The following NT5DC1 variants were observed in gnomAD, a reference collection of about 807,000 sequenced individuals.
The protein encoded by NT5DC1 is 5'-nucleotidase domain containing 1.
Under a neutral mutation model 59.4 loss-of-function variants are expected in NT5DC1, and 42 were observed. That is an observed-to-expected ratio of 0.71 (90% confidence interval 0.55 to 0.92). The LOEUF (loss-of-function observed/expected upper bound fraction) is 0.92. NT5DC1 is among the 40% of genes least tolerant of loss of function. NT5DC1 has a pLI of 0.00. For missense variants in NT5DC1, 501 were observed against 537.1 expected, an observed-to-expected ratio of 0.93 and a Z score of 0.66; for synonymous variants, 172 against 188.1, an observed-to-expected ratio of 0.91 and a Z score of 0.70.
intron 6 of NT5DC1, among the ~76,000 whole-genome samples, chr6:116,210,448 A>C (rs1455356311): frequency 6.6e-6 from 1 of 151,816 alleles, no homozygotes; most frequent in Non-Finnish European, 1.5e-5. Flanking sequence ...GCAGTATTGC[A>C]CAAGCTCCGA....
At chr6:116,146,522 G>A (rs185686629) in intron 6 of NT5DC1, among the ~76,000 whole-genome samples, 3 of 152,094 alleles carry the variant, frequency 2.0e-5, no homozygotes, top group East Asian at 1.9e-4. Context: ...TGGAACTTTC[G>A]CCTTAACAAA....
intron 6 of NT5DC1, among the ~76,000 whole-genome samples, chr6:116,207,382 T>C (rs1186876154): frequency 1.3e-5 from 2 of 151,756 alleles, no homozygotes; most frequent in East Asian, 3.9e-4. Context: ...AAAAAAATCC[T>C]TTACAATCTT....
chr6:116,164,560 A>G lies in NT5DC1; in HGVS notation c.529+46615A>G, dbSNP rs567968310. 5.2e-3 allele frequency among the ~76,000 whole-genome samples: 785 copies of G among 152,182 alleles called. 3 individuals carry two copies. The highest frequency in any genetic ancestry group is 9.0e-3 in the Non-Finnish European group (611 of 67,986). On this transcript the variant is annotated intron_variant, in intron 6 of 11. Coordinates refer to ENST00000319550, the MANE Select transcript of NT5DC1 (RefSeq NM_152729.3). ...CCCAATTTGCTAATCTATCTCTTTC[A>G]AGTATTTATGTTCAAGGTTAATATG...
At chr6:116,133,713 A>G (rs1779522598) in intron 6 of NT5DC1, among the ~76,000 whole-genome samples, 2 of 152,178 alleles carry the variant, frequency 1.3e-5, no homozygotes, top group African/African-American at 4.8e-5. Flanking sequence ...CTTCCCTAAT[A>G]GTGCAAAGAT....
At chr6:116,242,508 G>A (rs1425214111) in intron 11 of NT5DC1, among the ~76,000 whole-genome samples, 5 of 150,976 alleles carry the variant, frequency 3.3e-5, no homozygotes, top group Middle Eastern at 3.4e-3. Context: ...GAGAGAGAGA[G>A]TGGCTGCATT....
At chr6:116,201,004 G>T (rs755101766) in intron 6 of NT5DC1, among the ~76,000 whole-genome samples, 9 of 151,940 alleles carry the variant, frequency 5.9e-5, no homozygotes, top group Non-Finnish European at 1.3e-4. Flanking sequence ...GGAAAAAAGC[G>T]GGAAGGTACT....
chr6:116,233,059 T>A (rs1298813561), intron 8 of NT5DC1, among the ~76,000 whole-genome samples: 1 of 152,198 alleles, frequency 6.6e-6, no homozygotes, highest in Non-Finnish European at 1.5e-5. Context: ...CCCAAACATC[T>A]ATTAGTGATT....
In NT5DC1 at chr6:116,117,862, T is replaced by A. The variant is rs763620884; in HGVS notation, c.446T>A (p.Leu149Gln). 1.1e-5 allele frequency: 17 copies of A among 1,531,872 alleles called. No homozygotes were observed. In the South Asian group the frequency reaches 2.0e-4, roughly 18 times the overall value. 94.9% of individuals were successfully genotyped at this position (1,531,872 alleles called of 1,614,324 possible). The change falls in exon 6 of 12, where the codon CTG becomes CAG. Residue 149 changes from leucine to glutamine, a missense_variant and splice_region_variant. Coordinates refer to ENST00000319550, the MANE Select transcript of NT5DC1 (RefSeq NM_152729.3). The stretch of plus-strand genomic sequence containing the variant: ...TTTCATTTGGAATTATTTTTTCAGC[T>A]GAACAATGGTCAAAAAACATTTGAT... ...CARVVDYLTKLNNGQKTFDFW... is the reference protein window; with the variant it reads ...CARVVDYLTKQNNGQKTFDFW...
chr6:116,238,100 G>A (rs1582887712), intron 9 of NT5DC1, 87 bp from the exon 10 acceptor site: 3 of 955,744 alleles, frequency 3.1e-6, no homozygotes, highest in South Asian at 1.8e-5. Flanking sequence ...TCTGATGCCT[G>A]TTGAGAAATT....
intron 6 of NT5DC1, among the ~76,000 whole-genome samples, chr6:116,217,624 T>C (rs1252367939): frequency 1.3e-5 from 2 of 152,144 alleles, no homozygotes; most frequent in Non-Finnish European, 2.9e-5. Context: ...ATGAATAATA[T>C]TATTTTTATC....
At chr6:116,141,150 T>G (rs1472984948) in intron 6 of NT5DC1, among the ~76,000 whole-genome samples, 1 of 152,182 alleles carries the variant, frequency 6.6e-6, no homozygotes, top group Non-Finnish European at 1.5e-5. Flanking sequence ...TTTTATTGTA[T>G]TTGTATGATA....
At chr6:116,225,430 T>C (rs778167741) in intron 8 of NT5DC1, among the ~76,000 whole-genome samples, 2 of 152,022 alleles carry the variant, frequency 1.3e-5, no homozygotes, top group Non-Finnish European at 2.9e-5. Flanking sequence ...ATATTAAAGA[T>C]AGAGAAGAAA....
intron 11 of NT5DC1, among the ~76,000 whole-genome samples, chr6:116,241,180 G>A (rs1416150017): frequency 6.6e-6 from 1 of 151,678 alleles, no homozygotes; most frequent in African/African-American, 2.4e-5. Flanking sequence ...TTTAGACAGG[G>A]AATAATAGAG....
intron 5 of NT5DC1, among the ~76,000 whole-genome samples, chr6:116,116,194 C>T (rs1305056773): frequency 2.0e-5 from 3 of 151,960 alleles, no homozygotes; most frequent in South Asian, 2.1e-4. Context: ...CCATTTTGAA[C>T]ATCATTTAAT....
intron 6 of NT5DC1, among the ~76,000 whole-genome samples, chr6:116,181,973 T>A (rs1780882846): frequency 6.6e-6 from 1 of 152,116 alleles, no homozygotes; most frequent in South Asian, 2.1e-4. Context: ...ACCCATCACC[T>A]GAGCAGTGTA....
At chr6:116,241,922 CAAAAAA>C (rs772261524) in intron 11 of NT5DC1, among the ~76,000 whole-genome samples, 1 of 10,546 alleles carries the variant, frequency 9.5e-5, no homozygotes, top group Non-Finnish European at 1.5e-4. Context: ...GACTCCGTCT[CAAAAAA>C]AAAAAAAAAA....
intron 6 of NT5DC1, among the ~76,000 whole-genome samples, chr6:116,152,886 A>G (rs1320303316): frequency 6.6e-6 from 1 of 152,106 alleles, no homozygotes; most frequent in African/African-American, 2.4e-5. Context: ...ATTGTGCTCT[A>G]TGATGTCGCC....
chr6:116,183,088 A>G (rs1213263808), intron 6 of NT5DC1, among the ~76,000 whole-genome samples: 2 of 152,138 alleles, frequency 1.3e-5, no homozygotes, highest in African/African-American at 2.4e-5. Context: ...GTTCTTCTAC[A>G]TGTGGCTTGT....
At chr6:116,215,372 A>G (rs1381833425) in intron 6 of NT5DC1, among the ~76,000 whole-genome samples, 2 of 152,156 alleles carry the variant, frequency 1.3e-5, no homozygotes, top group Non-Finnish European at 2.9e-5. Flanking sequence ...TGTAAGCTCT[A>G]TATTTTGAAG....
Sources: gnomAD v4.1 joint callset for allele counts (sites outside exome capture counted in the v4.1 genomes callset) on GRCh38, gnomAD v4.1.1 for gene constraint, MANE v1.5 for transcripts, NCBI Gene and HGNC (gene_info 2026-07-23, HGNC 2026-07-21) for gene names.